PTPRD: variants seen among roughly 807,000 people sequenced by gnomAD.
The protein encoded by PTPRD is receptor-type tyrosine-protein phosphatase delta.
Under a neutral mutation model 214.5 loss-of-function variants are expected in PTPRD, and 34 were observed. The observed-to-expected ratio is 0.16, with a 90% CI of 0.12 to 0.21. PTPRD has a LOEUF of 0.21. PTPRD is among the 10% of genes least tolerant of loss of function. The pLI is 1.00. For synonymous variants in PTPRD, 1,128 were observed against 845.7 expected, an observed-to-expected ratio of 1.33 and a Z score of -5.79; for missense variants, 2,545 against 2,398.7, an observed-to-expected ratio of 1.06 and a Z score of -1.27.
At chr9:10,083,273 CG>C (rs1567570274) in intron 3 of PTPRD, among the ~76,000 whole-genome samples, 1 of 151,882 alleles carries the variant, frequency 6.6e-6, no homozygotes, top group East Asian at 1.9e-4. Context: ...ATATTAAATT[CG>C]GTCTCCATTT....
At chr9:9,620,032 T>C (rs921320928) in intron 7 of PTPRD, among the ~76,000 whole-genome samples, 1 of 151,840 alleles carries the variant, frequency 6.6e-6, no homozygotes, top group African/African-American at 2.4e-5. Context: ...GTTTTCAGTA[T>C]GTAGAATGGG....
chr9:10,538,028 T>C (rs569068508), intron 2 of PTPRD, among the ~76,000 whole-genome samples: 2 of 152,080 alleles, frequency 1.3e-5, no homozygotes, highest in South Asian at 4.1e-4. Context: ...AAAACCCAGC[T>C]CCTTGATGTC....
chr9:9,978,663 T>C (rs922232223), intron 4 of PTPRD, among the ~76,000 whole-genome samples: 6 of 152,050 alleles, frequency 3.9e-5, no homozygotes, highest in African/African-American at 1.4e-4. Flanking sequence ...TAGATGTATA[T>C]AATATATGCA....
intron 2 of PTPRD, among the ~76,000 whole-genome samples, chr9:10,375,779 A>T (rs1440522964): frequency 1.3e-5 from 2 of 151,966 alleles, no homozygotes; most frequent in East Asian, 3.9e-4. Context: ...TTACCAAGTG[A>T]CTCTGAAAAT....
chr9:9,426,038 T>A (rs1356145833), intron 8 of PTPRD, among the ~76,000 whole-genome samples: 1 of 151,882 alleles, frequency 6.6e-6, no homozygotes, highest in Non-Finnish European at 1.5e-5. Context: ...TTCGTCTCAA[T>A]GGGGCTTGTC....
chr9:8,328,118 G>GTCTT (rs1835864872), intron 44 of PTPRD, among the ~76,000 whole-genome samples: 1 of 152,114 alleles, frequency 6.6e-6, no homozygotes, highest in African/African-American at 2.4e-5. Flanking sequence ...AGCATCGATG[G>GTCTT]TCTTTACAAT....
intron 2 of PTPRD, among the ~76,000 whole-genome samples, chr9:10,431,127 G>T (rs933756753): frequency 6.6e-6 from 1 of 151,918 alleles, no homozygotes; most frequent in Non-Finnish European, 1.5e-5. Context: ...TCTCAAGAGA[G>T]CTCTAAAAGT....
chr9:9,416,393 A>G (rs143636094), intron 8 of PTPRD, among the ~76,000 whole-genome samples: 2 of 152,268 alleles, frequency 1.3e-5, no homozygotes, highest in East Asian at 3.9e-4. Flanking sequence ...CTCTTTAATG[A>G]GCCTCATGTC....
intron 12 of PTPRD, among the ~76,000 whole-genome samples, chr9:8,718,305 C>G (rs924757009): frequency 1.3e-5 from 2 of 152,118 alleles, no homozygotes; most frequent in Non-Finnish European, 2.9e-5. Context: ...AAACTACAAG[C>G]TCTCTAGAGA....
chr9:10,580,235 G>T (rs1307994418), intron 2 of PTPRD, among the ~76,000 whole-genome samples: 1 of 152,000 alleles, frequency 6.6e-6, no homozygotes, highest in East Asian at 1.9e-4. Context: ...AATAACATTG[G>T]CATCACTATA....
At chr9:8,913,952 T>A (rs2098766673) in intron 11 of PTPRD, among the ~76,000 whole-genome samples, 1 of 152,158 alleles carries the variant, frequency 6.6e-6, no homozygotes, top group South Asian at 2.1e-4. Flanking sequence ...TTGTGCTAGG[T>A]TCTGCCAATG....
At chr9:10,352,130 C>A (rs970366116) in intron 2 of PTPRD, among the ~76,000 whole-genome samples, 17 of 151,944 alleles carry the variant, frequency 1.1e-4, no homozygotes, top group Non-Finnish European at 1.9e-4. Context: ...ATCTCATTAA[C>A]CTTTGGCAGG....
chr9:8,331,574 A>AAAAATGGAAACTTACCATTCTTGAACTGT lies in PTPRD; in HGVS notation c.5534+7_5534+8insACAGTTCAAGAATGGTAAGTTTCCATTTT. ...TTATCACTGCTTTATTCACAAATGG[A>AAAAATGGAAACTTACCATTCTTGAACTGT]AACTTACCTGCAATGGACTGAAATG... On this transcript the variant is annotated splice_region_variant and intron_variant, in intron 44 of 45. Coordinates refer to ENST00000381196, the MANE Select transcript of PTPRD (RefSeq NM_002839.4). 1 of 1,611,994 alleles carries AAAAATGGAAACTTACCATTCTTGAACTGT rather than the reference A, an allele frequency of 6.2e-7. No homozygotes were observed.
intron 44 of PTPRD, among the ~76,000 whole-genome samples, chr9:8,325,863 C>T (rs1008222351): frequency 5.9e-5 from 9 of 152,032 alleles, no homozygotes; most frequent in South Asian, 2.1e-4. Context: ...GGAGTTCACT[C>T]GTGATTTGGC....
chr9:8,992,617 A>G (rs1427481390), intron 11 of PTPRD, among the ~76,000 whole-genome samples: 4 of 152,204 alleles, frequency 2.6e-5, no homozygotes, highest in African/African-American at 4.8e-5. Context: ...ATCGATTACT[A>G]TAAAATAATA....
intron 11 of PTPRD, among the ~76,000 whole-genome samples, chr9:8,823,775 T>C (rs902139286): frequency 6.6e-6 from 1 of 152,202 alleles, no homozygotes; most frequent in African/African-American, 2.4e-5. Context: ...GGAGGGTTAT[T>C]GGATTTTGCG....
chr9:9,716,218 G>A (rs900442008), intron 7 of PTPRD, among the ~76,000 whole-genome samples: 8 of 152,178 alleles, frequency 5.3e-5, no homozygotes, highest in Non-Finnish European at 1.2e-4. Context: ...ATTCCATGGT[G>A]TATATGTGCC....
chr9:8,665,845 T>A (rs2097159466), intron 12 of PTPRD, among the ~76,000 whole-genome samples: 1 of 152,230 alleles, frequency 6.6e-6, no homozygotes, highest in Admixed American at 6.5e-5. Context: ...GTGTCATTGC[T>A]ACTCCTTAGA....
intron 5 of PTPRD, among the ~76,000 whole-genome samples, chr9:9,793,229 T>C (rs562258948): frequency 2.9e-4 from 44 of 152,262 alleles, no homozygotes; most frequent in African/African-American, 9.1e-4. Flanking sequence ...GCCAATTGAA[T>C]GGAAATTTTA....
Sources: gnomAD v4.1 joint callset for allele counts (sites outside exome capture counted in the v4.1 genomes callset) on GRCh38, gnomAD v4.1.1 for gene constraint, MANE v1.5 for transcripts, NCBI Gene and HGNC (gene_info 2026-07-23, HGNC 2026-07-21) for gene names.